The following BCL2L13 variants were observed in gnomAD, a reference collection of about 807,000 sequenced individuals.
BCL2L13 encodes the protein bcl-2-like protein 13.
BCL2L13 carries 13 observed loss-of-function variants against 25.8 expected under a neutral mutation model. That is an observed-to-expected ratio of 0.50 (90% CI 0.33 to 0.80). The LOEUF (loss-of-function observed/expected upper bound fraction) is 0.80, where lower values mean the gene tolerates loss of function less well. Ranked by LOEUF, BCL2L13 falls within the 30% of genes least tolerant of loss-of-function variation. The pLI is 0.02. For missense variants in BCL2L13, 504 were observed against 574.9 expected (o/e 0.88, Z 1.26); for synonymous variants, 244 against 230.3 (o/e 1.06, Z -0.54).
chr22:17,660,069 T>TG (rs1229870864), intron 2 of BCL2L13, among the ~76,000 whole-genome samples: 2 of 146,192 alleles, frequency 1.4e-5, no homozygotes, highest in East Asian at 3.9e-4. Flanking sequence ...TTGGCCAGGC[T>TG]GGTCTCGAAC....
In BCL2L13 at chr22:17,658,276, T is replaced by C. The variant is rs528811160; in HGVS notation, c.121+2444T>C. Reference sequence around the variant, plus strand: ...GCAAATGTGAAAGAATACATGAATATGTATGTATGTATTATATACACATAG... The same window carrying C: ...GCAAATGTGAAAGAATACATGAATACGTATGTATGTATTATATACACATAG... On this transcript the variant is annotated intron_variant, in intron 2 of 6. Transcript: ENST00000317582. Among the ~76,000 whole-genome samples the C allele has an allele frequency of 2.0e-5, 3 of 152,314 alleles. No individual in the cohort carries two copies. In the South Asian group the frequency reaches 6.2e-4, roughly 32 times the overall value.
At chr22:17,691,295 A>C (rs985813520) in intron 4 of BCL2L13, among the ~76,000 whole-genome samples, 1 of 152,226 alleles carries the variant, frequency 6.6e-6, no homozygotes, top group Admixed American at 6.5e-5. Flanking sequence ...CAAAAATGTA[A>C]AAGTTATCTG....
chr22:17,638,802 G>A lies in BCL2L13; in HGVS notation c.-135G>A, dbSNP rs1229113445. 1 of 1,231,864 alleles carries A rather than the reference G, an allele frequency of 8.1e-7. No individual in the cohort carries two copies. Among genetic ancestry groups the A allele is most frequent in the Non-Finnish European group, 1.0e-6 (1 of 988,184 alleles). The allele number at this position is 1,231,864 out of a possible 1,614,324, so 76.3% of individuals were successfully genotyped here. A position where few individuals can be genotyped will look rare whatever the true frequency, so the allele number is the denominator to read the frequency against. ...CGGTAGATTAGGGCCGCGGGTCGGA[G>A]CACTCACCGCCGCTGGGGGACCCTG... On this transcript the variant is annotated 5_prime_UTR_variant, in exon 1 of 7. Transcript: ENST00000317582.
chr22:17,682,613 C>G (rs2059789390), intron 2 of BCL2L13, among the ~76,000 whole-genome samples: 1 of 152,148 alleles, frequency 6.6e-6, no homozygotes, highest in Non-Finnish European at 1.5e-5. Flanking sequence ...ATACATCTTT[C>G]CCAACCTCCT....
intron 2 of BCL2L13, among the ~76,000 whole-genome samples, chr22:17,682,335 A>G (rs905711717): frequency 2.6e-5 from 4 of 152,176 alleles, no homozygotes; most frequent in Admixed American, 6.6e-5. Flanking sequence ...AGCAGCAGTC[A>G]ACTAACTGTT....
intron 6 of BCL2L13, among the ~76,000 whole-genome samples, chr22:17,721,660 G>C (rs1438488280): frequency 6.6e-6 from 1 of 152,002 alleles, no homozygotes; most frequent in African/African-American, 2.4e-5. Context: ...AAGGAGCTGG[G>C]ATTACAGGCA....
At position 17,689,003 on chromosome 22, in the gene BCL2L13, T is replaced by C. The variant is rs1199663861; in HGVS notation, c.247T>C (p.Phe83Leu). 6.2e-7 allele frequency: 1 copy of C among 1,613,976 alleles called. No individual in the cohort carries two copies. The highest frequency in any genetic ancestry group is 1.1e-5 in the South Asian group (1 of 91,064). The part of the protein sequence containing the change: ...EISEAFTSTG[F>L]DRHTSPVFSP... The stretch of plus-strand genomic sequence containing the variant: ...ATCTTCAGCCTTCACCAGCACAGGC[T>C]TTGACCGTCACACTTCTCCAGTGTT... The change falls in exon 4 of 7, where the codon TTT becomes CTT. Residue 83 changes from phenylalanine (F) to leucine (L), a missense_variant. Transcript: ENST00000317582.
At chr22:17,653,929 C>G (rs2587089) in intron 1 of BCL2L13, among the ~76,000 whole-genome samples, 2 of 150,070 alleles carry the variant, frequency 1.3e-5, no homozygotes, top group African/African-American at 5.0e-5. Flanking sequence ...CCGACATTGC[C>G]TCTTTTTCCA....
chr22:17,690,113 G>T (rs954665113), intron 4 of BCL2L13, among the ~76,000 whole-genome samples: 2 of 152,118 alleles, frequency 1.3e-5, no homozygotes, highest in African/African-American at 4.8e-5. Flanking sequence ...ATCACTGGAA[G>T]TCAGGAGTTG....
Position 17,696,148 on chromosome 22 carries a change from A to G in BCL2L13, c.394A>G (p.Thr132Ala), listed in dbSNP as rs1314051458. 6.2e-7 allele frequency: 1 copy of G among 1,613,384 alleles called. No homozygotes were observed. Among genetic ancestry groups the G allele is most frequent in the Non-Finnish European group, 8.5e-7 (1 of 1,179,464 alleles). ...ALQMLLSQPV[T>A]YQAFRECTLE... ...TTAAAAAAATCTCTACAGGCCAGTG[A>G]CATATCAGGCATTTCGGGAATGTAC... Residue 132 changes from threonine to alanine, a missense_variant, in exon 5 of 7, where the codon ACA becomes GCA. Physicochemically the swap from Thr to Ala is moderately conservative, Grantham distance 58. Coordinates refer to ENST00000317582, the MANE Select transcript of BCL2L13 (RefSeq NM_015367.4).
At chr22:17,715,793 TG>T in intron 6 of BCL2L13, among the ~76,000 whole-genome samples, 1 of 152,138 alleles carries the variant, frequency 6.6e-6, no homozygotes, top group Non-Finnish European at 1.5e-5. Flanking sequence ...TCATTCTGTT[TG>T]GGGGTTGGAA....
chr22:17,657,354 C>T (rs1250120832), intron 2 of BCL2L13, among the ~76,000 whole-genome samples: 6 of 123,110 alleles, frequency 4.9e-5, no homozygotes, highest in East Asian at 4.0e-4. Context: ...TTTGAATACT[C>T]TCCTCATCTT....
chr22:17,694,994 A>G (rs1047597729), intron 4 of BCL2L13, among the ~76,000 whole-genome samples: 4 of 152,194 alleles, frequency 2.6e-5, no homozygotes, highest in Non-Finnish European at 4.4e-5. Flanking sequence ...ACTTCACGAG[A>G]GAAAAGTTCC....
intron 2 of BCL2L13, among the ~76,000 whole-genome samples, chr22:17,665,570 T>C (rs767739215): frequency 1.3e-5 from 2 of 152,182 alleles, no homozygotes; most frequent in African/African-American, 2.4e-5. Context: ...TGTTTCCACC[T>C]GGCCCCGCCC....
rs895330455 is a variant in BCL2L13, at chr22:17,668,043, C to T, written c.121+12211C>T. 9.8e-5 allele frequency among the ~76,000 whole-genome samples: 14 copies of T among 142,588 alleles called. No individual in the cohort carries two copies. In the Admixed American group the frequency reaches 1.0e-3, roughly 11 times the overall value. The allele number at this position is 142,588 out of a possible 152,430, so 93.5% of individuals were successfully genotyped here. On this transcript the variant is annotated intron_variant, in intron 2 of 6. Coordinates refer to ENST00000317582, the MANE Select transcript of BCL2L13 (RefSeq NM_015367.4). ...CTTTTTTTTTTTTGAGACAGTCTCG[C>T]TCTGTCGCCCAGGCTGGAGTGCAGT... is the stretch of plus-strand genomic sequence containing the variant.
chr22:17,714,497 A>G lies in BCL2L13; in HGVS notation c.600+12111A>G, dbSNP rs149776588. 3.2e-3 allele frequency among the ~76,000 whole-genome samples: 492 copies of G among 152,270 alleles called. 6 individuals carry two copies. Among genetic ancestry groups the G allele is most frequent in the African/African-American group, 0.011 (456 of 41,558 alleles). Reference sequence around the variant, plus strand: ...TGAAGTAAAGTAGGACTTAATCAGGAAAGGCTTCTGTAAAGAAGTATGGTC... The same window carrying G: ...TGAAGTAAAGTAGGACTTAATCAGGGAAGGCTTCTGTAAAGAAGTATGGTC... On this transcript the variant is annotated intron_variant, in intron 6 of 6. Coordinates refer to ENST00000317582, the MANE Select transcript of BCL2L13 (RefSeq NM_015367.4).
At position 17,715,980 on chromosome 22, in the gene BCL2L13, T is replaced by A. The variant is rs188402599; in HGVS notation, c.601-10697T>A. Among the ~76,000 whole-genome samples, 80 of 152,368 alleles carry A rather than the reference T, an allele frequency of 5.3e-4. 2 individuals carry two copies. In the East Asian group the frequency reaches 0.013, roughly 25 times the overall value. The stretch of plus-strand genomic sequence containing the variant: ...CATCCAAGCATTTATTGAGCATTAC[T>A]GTTTGCTCAGCATATGTTAGGCATT... On this transcript the variant is annotated intron_variant, in intron 6 of 6. Transcript: ENST00000317582.
chr22:17,706,160 G>A (rs572552216), intron 6 of BCL2L13, among the ~76,000 whole-genome samples: 67 of 152,110 alleles, frequency 4.4e-4, no homozygotes, highest in Middle Eastern at 6.8e-3. Context: ...GACCACAGGT[G>A]TGCATGCACT....
chr22:17,642,801 T>C (rs543354189), intron 1 of BCL2L13, among the ~76,000 whole-genome samples: 51 of 152,258 alleles, frequency 3.3e-4, no homozygotes, highest in African/African-American at 1.2e-3. Context: ...TTTTCCATGT[T>C]GCTGAGGCTG....
Sources: allele counts gnomAD v4.1 joint callset (sites outside exome capture counted in the v4.1 genomes callset), GRCh38; gene constraint gnomAD v4.1.1; transcripts MANE v1.5; gene names NCBI Gene and HGNC (gene_info 2026-07-23, HGNC 2026-07-21).